The following PCIF1 variants were observed in gnomAD, a reference collection of about 807,000 sequenced individuals.
The protein encoded by PCIF1 is mRNA (2'-O-methyladenosine-N(6)-)-methyltransferase.
Under a neutral mutation model 86.9 loss-of-function variants are expected in PCIF1, and 12 were observed. The observed-to-expected ratio is 0.14, with a 90% confidence interval of 0.09 to 0.22. The LOEUF (loss-of-function observed/expected upper bound fraction) is 0.22, where lower values mean the gene tolerates loss of function less well. PCIF1 is among the 10% of genes least tolerant of loss of function. PCIF1 has a pLI of 1.00. For missense variants in PCIF1, 701 were observed against 951.1 expected (o/e 0.74, Z 3.46); for synonymous variants, 397 against 372.0 (o/e 1.07, Z -0.77).
At chr20:45,938,958 C>G in intron 2 of PCIF1, 23 bp from the exon 3 acceptor site, 1 of 1,611,246 alleles carries the variant, frequency 6.2e-7, no homozygotes, top group Non-Finnish European at 8.5e-7. Flanking sequence ...GGAGCTGACA[C>G]TCTTTGGTCC....
At position 45,946,289 on chromosome 20, in the gene PCIF1, C is replaced by A; in HGVS notation, c.1518C>A (p.Gly506=). The A allele has an allele frequency of 6.2e-7, 1 of 1,614,170 alleles. No individual in the cohort carries two copies. The highest frequency in any genetic ancestry group is 8.5e-7 in the Non-Finnish European group (1 of 1,180,046). The change falls in exon 14 of 17, where the codon GGC becomes GGA. Residue 506 remains glycine, a synonymous_variant. Coordinates refer to ENST00000372409, the MANE Select transcript of PCIF1 (RefSeq NM_022104.4). The part of the protein sequence containing the change: ...HVFEALHRLF[G]VSFECFASPL... ...TTGAGGCCCTCCACCGACTCTTTGG[C>A]GTCAGCTTCGAGTGCTTCGCCTCAC...
At chr20:45,944,742 C>T (rs1023573866) in intron 10 of PCIF1, 126 bp from the exon 11 acceptor site, 2 of 994,394 alleles carry the variant, frequency 2.0e-6, no homozygotes, top group African/African-American at 3.2e-5. Flanking sequence ...AGTGACACAG[C>T]TAGTCAGCAG....
rs372104188 is a variant in PCIF1, at chr20:45,946,289, C to T, written c.1518C>T (p.Gly506=). The T allele has an allele frequency of 1.0e-4, 161 of 1,614,052 alleles. 1 individual carries two copies. Among genetic ancestry groups the T allele is most frequent in the Non-Finnish European group, 1.3e-4 (150 of 1,180,054 alleles). Residue 506 remains glycine (G), a synonymous_variant, in exon 14 of 17, where the codon GGC becomes GGT. Transcript: ENST00000372409. ...TTGAGGCCCTCCACCGACTCTTTGGCGTCAGCTTCGAGTGCTTCGCCTCAC... is the reference window on the plus strand; with the variant it reads ...TTGAGGCCCTCCACCGACTCTTTGGTGTCAGCTTCGAGTGCTTCGCCTCAC... The part of the protein sequence containing the change: ...HVFEALHRLF[G]VSFECFASPL...
chr20:45,937,670 C>T, intron 2 of PCIF1, 85 bp downstream of exon 2: 1 of 398,350 alleles, frequency 2.5e-6, no homozygotes, highest in East Asian at 3.6e-5. Context: ...CCCAGAGAAT[C>T]AAGGCAGCTT....
At chr20:45,946,462 T>C (rs1418358285) in intron 14 of PCIF1, 78 bp downstream of exon 14, 63 of 1,514,986 alleles carry the variant, frequency 4.2e-5, no homozygotes, top group Non-Finnish European at 5.6e-5. Context: ...CTGCTGGCTG[T>C]AGTGTCAGGC....
chr20:45,937,213 C>T (rs2083434448), intron 1 of PCIF1, among the ~76,000 whole-genome samples: 1 of 152,214 alleles, frequency 6.6e-6, no homozygotes, highest in Non-Finnish European at 1.5e-5. Flanking sequence ...GATCCCTGTG[C>T]AGCCGTGCAG....
intron 1 of PCIF1, among the ~76,000 whole-genome samples, chr20:45,936,903 G>C (rs1163992402): frequency 6.6e-6 from 1 of 152,154 alleles, no homozygotes; most frequent in Non-Finnish European, 1.5e-5. Flanking sequence ...CTCCAGCCTG[G>C]GTGATGGAGT....
At chr20:45,938,206 T>TA (rs1600500851) in intron 2 of PCIF1, among the ~76,000 whole-genome samples, 1 of 152,330 alleles carries the variant, frequency 6.6e-6, no homozygotes, top group South Asian at 2.1e-4. Context: ...TGCTGGTACT[T>TA]ACAGTAAATA....
chr20:45,936,154 G>A (rs183854762), intron 1 of PCIF1, among the ~76,000 whole-genome samples: 10 of 151,990 alleles, frequency 6.6e-5, no homozygotes, highest in Non-Finnish European at 1.3e-4. Context: ...CTGGTCTAAG[G>A]GTACTTTATT....
Position 45,945,790 on chromosome 20 carries a change from G to A in PCIF1, c.1248G>A (p.Met416Ile), listed in dbSNP as rs971297584. ...PVRLAVSAPP[M>I]PSVEMHMENN... ...GGCTGGCTGTGTCTGCACCGCCCATGCCCAGCGTGGAGATGCACATGGAGA... is the reference window on the plus strand; with the variant it reads ...GGCTGGCTGTGTCTGCACCGCCCATACCCAGCGTGGAGATGCACATGGAGA... Residue 416 changes from methionine (M) to isoleucine (I), a missense_variant, in exon 12 of 17, where the codon ATG (methionine) becomes ATA (isoleucine). Physicochemically the swap from Met to Ile is conservative, Grantham distance 10. Around this residue, in one of 7 missense-constraint regions of PCIF1, gnomAD observed 121 missense variants for 131.7 expected, o/e 0.92. Transcript: ENST00000372409. The A allele has an allele frequency of 4.3e-6, 7 of 1,613,800 alleles. No homozygotes were observed. The highest frequency in any genetic ancestry group is 4.0e-5 in the African/African-American group (3 of 74,932).
chr20:45,947,950 T>C lies in PCIF1; in HGVS notation c.*195T>C. On this transcript the variant is annotated 3_prime_UTR_variant, in exon 17 of 17. Transcript: ENST00000372409. This position sits in a 1 kb window ranked among gnomAD's most constrained non-coding sequence, Gnocchi z 5.4. ...TCCCATGTATATAGGTCCTGATGCC[T>C]TCCCAACCCCGCCCCTCACCCTGTT... 6.5e-7 allele frequency: 1 copy of C among 1,532,242 alleles called. No individual in the cohort carries two copies. The highest frequency in any genetic ancestry group is 8.7e-7 in the Non-Finnish European group (1 of 1,145,386). The allele number at this position is 1,532,242 out of a possible 1,614,324, so 94.9% of individuals were successfully genotyped here.
chr20:45,936,975 T>C (rs2083432055), intron 1 of PCIF1, among the ~76,000 whole-genome samples: 1 of 152,154 alleles, frequency 6.6e-6, no homozygotes, highest in South Asian at 2.1e-4. Flanking sequence ...GTTGTAGAGC[T>C]GGGGGCTCAC....
chr20:45,947,331 A>G lies in PCIF1; in HGVS notation c.1776A>G (p.Pro592=). Residue 592 remains proline, a synonymous_variant, in exon 16 of 17, where the codon CCA becomes CCG. Coordinates refer to ENST00000372409, the MANE Select transcript of PCIF1 (RefSeq NM_022104.4). The surrounding 1 kb of genome is among the most constrained non-coding windows in gnomAD (Gnocchi z 5.4). ...TCATCCCTGAGTGGCGGGAACCCCCAACACCAGCGCTCACCCGCATGGAGC... is the reference window on the plus strand; with the variant it reads ...TCATCCCTGAGTGGCGGGAACCCCCGACACCAGCGCTCACCCGCATGGAGC... ...IVFIPEWREP[P]TPALTRMEQS... is the part of the protein sequence containing the mutation. 1.9e-6 allele frequency: 3 copies of G among 1,613,552 alleles called. No individual in the cohort carries two copies.
chr20:45,935,640 T>C (rs1000518165), intron 1 of PCIF1, among the ~76,000 whole-genome samples: 2 of 152,142 alleles, frequency 1.3e-5, no homozygotes, highest in Non-Finnish European at 2.9e-5. Context: ...TCAAGTCACA[T>C]AGGAAATTAA....
At chr20:45,934,908 C>T (rs1196846504) in intron 1 of PCIF1, 104 bp downstream of exon 1, 3 of 397,030 alleles carry the variant, frequency 7.6e-6, no homozygotes, top group African/African-American at 2.1e-5. Flanking sequence ...CTCGGGACTG[C>T]CGCTTGCCCT....
rs564428197 is a variant in PCIF1 at position 45,935,044 on chromosome 20, C to T, written c.-188+240C>T. On this transcript the variant is annotated intron_variant, in intron 1 of 16. Coordinates refer to ENST00000372409, the MANE Select transcript of PCIF1 (RefSeq NM_022104.4). ...AGGGCCCCTCCGCTGCTGCCGCCGC[C>T]ACCGCCTTTGTGTCGGGCTCCGACT... Among the ~76,000 whole-genome samples, 51 of 152,066 alleles carry T rather than the reference C, an allele frequency of 3.4e-4. 1 individual carries two copies. The highest frequency in any genetic ancestry group is 6.9e-3 in the Middle Eastern group (2 of 290).
rs1020147261 is a variant in PCIF1 at position 45,943,017 on chromosome 20, C to T, written c.674-80C>T. 18 of 1,421,500 alleles carry T rather than the reference C, an allele frequency of 1.3e-5. No individual in the cohort carries two copies. Among genetic ancestry groups the T allele is most frequent in the South Asian group, 7.8e-5 (6 of 77,294 alleles). The allele number at this position is 1,421,500 out of a possible 1,614,324, so 88.1% of individuals were successfully genotyped here. ...ACTGTGTCTTGCTTACTGCTGAATG[C>T]GATGCTTCCTATACGTGCCAAGCTC... On this transcript the variant is annotated intron_variant, in intron 7 of 16. Transcript: ENST00000372409. The surrounding 1 kb of genome is among the most constrained non-coding windows in gnomAD (Gnocchi z 5.5).
chr20:45,937,384 C>T (rs2083435854), intron 1 of PCIF1, 34 bp from the exon 2 acceptor site: 3 of 399,258 alleles, frequency 7.5e-6, no homozygotes, highest in Non-Finnish European at 8.8e-6. Context: ...CAGCATCCCA[C>T]AGGTCTGTGA....
Position 45,947,469 on chromosome 20 carries a change from C to T in PCIF1, c.1883+31C>T, listed in dbSNP as rs1259886052. On this transcript the variant is annotated intron_variant, in intron 16 of 16. Coordinates refer to ENST00000372409, the MANE Select transcript of PCIF1 (RefSeq NM_022104.4). This position sits in a 1 kb window ranked among gnomAD's most constrained non-coding sequence, Gnocchi z 5.4. ...TGCCAGGGAGGGCAGGGGAAGGAGG[C>T]TGGGCTGGCCAGGCCAGGCCCAGCC... is the stretch of plus-strand genomic sequence containing the variant. 6.2e-7 allele frequency: 1 copy of T among 1,613,248 alleles called. No homozygotes were observed.
Sources: allele counts gnomAD v4.1 joint callset (sites outside exome capture counted in the v4.1 genomes callset), GRCh38; gene constraint gnomAD v4.1.1; regional missense constraint gnomAD v4.1.1; non-coding constraint Gnocchi (gnomAD v3.1); transcripts MANE v1.5; gene names NCBI Gene and HGNC (gene_info 2026-07-23, HGNC 2026-07-21).